ATP9B: variants seen among roughly 807,000 people sequenced by gnomAD.
ATP9B encodes probable phospholipid-transporting ATPase IIB.
A neutral mutation model predicts 146.1 loss-of-function variants in ATP9B; 110 were observed. That is an observed-to-expected ratio of 0.75 (90% confidence interval 0.65 to 0.88). ATP9B has a LOEUF of 0.88. ATP9B is among the 40% of genes least tolerant of loss of function. ATP9B has a pLI of 0.00. For synonymous variants in ATP9B, 604 were observed against 569.7 expected (o/e 1.06, Z -0.86); for missense variants, 1,499 against 1,496.4 (o/e 1.00, Z -0.03).
chr18:79,329,944 G>A (rs1311746306), intron 16 of ATP9B, 68 bp from the exon 17 acceptor site: 7 of 1,369,288 alleles, frequency 5.1e-6, no homozygotes, highest in Non-Finnish European at 2.1e-6. Flanking sequence ...TGTTTTATTA[G>A]ACTAGCAGTT....
At chr18:79,197,769 G>T (rs552037538) in intron 9 of ATP9B, among the ~76,000 whole-genome samples, 1 of 152,286 alleles carries the variant, frequency 6.6e-6, no homozygotes, top group East Asian at 1.9e-4. Context: ...GAGCAGCAAA[G>T]AGCAAGATGG....
chr18:79,191,359 G>A, intron 8 of ATP9B, among the ~76,000 whole-genome samples: 1 of 151,922 alleles, frequency 6.6e-6, no homozygotes, highest in African/African-American at 2.4e-5. Flanking sequence ...TACATTTCTG[G>A]CTGACAGTAA....
At chr18:79,150,330 A>G (rs555164690) in intron 6 of ATP9B, among the ~76,000 whole-genome samples, 2 of 152,280 alleles carry the variant, frequency 1.3e-5, no homozygotes, top group Admixed American at 1.3e-4. Flanking sequence ...AAAAACTGTA[A>G]CTATCATACT....
At chr18:79,376,246 C>T (rs1013385060) in intron 29 of ATP9B, 5 of 972,004 alleles carry the variant, frequency 5.1e-6, no homozygotes, top group Non-Finnish European at 6.1e-6. Flanking sequence ...TAGCCTAGAT[C>T]GTCCAAACAA....
At chr18:79,349,328 C>G (rs1377991458) in intron 25 of ATP9B, among the ~76,000 whole-genome samples, 1 of 152,170 alleles carries the variant, frequency 6.6e-6, no homozygotes, top group African/African-American at 2.4e-5. Flanking sequence ...CTTCGATGCT[C>G]TTGGCGTTGA....
intron 14 of ATP9B, among the ~76,000 whole-genome samples, chr18:79,305,161 A>C (rs2096613801): frequency 6.6e-6 from 1 of 152,192 alleles, no homozygotes; most frequent in Non-Finnish European, 1.5e-5. Flanking sequence ...GACTTTTTGT[A>C]TTTACAGTAA....
rs1304879263 is a variant in ATP9B at position 79,118,384 on chromosome 18, G to GTTTTTTTTT, written c.558+5035_558+5036insTTTTTTTTT. Among the ~76,000 whole-genome samples the GTTTTTTTTT allele has an allele frequency of 1.1e-3, 79 of 73,476 alleles. 16 individuals carry two copies. The highest frequency in any genetic ancestry group is 3.2e-3 in the African/African-American group (60 of 18,674). 48.2% of individuals were successfully genotyped at this position (73,476 alleles called of 152,430 possible). A position where few individuals can be genotyped will look rare whatever the true frequency, so the allele number is the denominator to read the frequency against. ...ATTTTAAAACACAATCATATTGAAC[G>GTTTTTTTTT]TTTTTGTTTTTTTTTTTTTTTTTTT... On this transcript the variant is annotated intron_variant, in intron 4 of 29. Transcript: ENST00000426216.
chr18:79,264,106 A>G (rs995481294), intron 12 of ATP9B, among the ~76,000 whole-genome samples: 3 of 152,186 alleles, frequency 2.0e-5, no homozygotes, highest in African/African-American at 7.2e-5. Context: ...AAGGAAAAAA[A>G]AACATATCTA....
chr18:79,187,159 T>G (rs2095315215), intron 8 of ATP9B, among the ~76,000 whole-genome samples: 1 of 152,240 alleles, frequency 6.6e-6, no homozygotes, highest in Non-Finnish European at 1.5e-5. Context: ...TTTCACTGAT[T>G]TGGGAAGCAT....
chr18:79,130,663 A>C (rs1469668628), intron 5 of ATP9B, among the ~76,000 whole-genome samples: 1 of 152,184 alleles, frequency 6.6e-6, no homozygotes, highest in African/African-American at 2.4e-5. Flanking sequence ...ATAACCAAGC[A>C]GCTGACACCC....
At chr18:79,263,930 A>G (rs9949629) in intron 12 of ATP9B, among the ~76,000 whole-genome samples, 66,320 of 151,864 alleles carry the variant, frequency 0.44, 14,810 homozygotes, top group East Asian at 0.7. Flanking sequence ...TAAAAAATAC[A>G]AAAAATTAGC....
intron 13 of ATP9B, among the ~76,000 whole-genome samples, chr18:79,282,459 A>C (rs1426371589): frequency 1.3e-5 from 2 of 152,186 alleles, no homozygotes; most frequent in Non-Finnish European, 2.9e-5. Flanking sequence ...CACCACCCTG[A>C]TCAGTCAGCA....
intron 6 of ATP9B, chr18:79,146,755 C>G (rs1221296180): frequency 1.9e-5 from 3 of 158,696 alleles, no homozygotes; most frequent in Non-Finnish European, 4.2e-5. Context: ...CCTAAGTGCT[C>G]TCATCTGCCT....
chr18:79,359,437 C>T lies in ATP9B; in HGVS notation c.2987C>T (p.Pro996Leu), dbSNP rs1304072135. The T allele has an allele frequency of 5.6e-6, 9 of 1,613,764 alleles. No homozygotes were observed. The highest frequency in any genetic ancestry group is 1.1e-5 in the South Asian group (1 of 91,080). Residue 996 changes from proline to leucine, a missense_variant, in exon 26 of 30, where the codon CCG becomes CTG. Coordinates refer to ENST00000426216, the MANE Select transcript of ATP9B (RefSeq NM_198531.5). ...AAGCCAGAGATGGCGATGCTCTACCCGGAGCTGTACAAGGACCTCACCAAG... is the reference window on the plus strand; with the variant it reads ...AAGCCAGAGATGGCGATGCTCTACCTGGAGCTGTACAAGGACCTCACCAAG... ...DVKPEMAMLYPELYKDLTKGR... is the reference protein window; with the variant it reads ...DVKPEMAMLYLELYKDLTKGR...
intron 9 of ATP9B, among the ~76,000 whole-genome samples, chr18:79,203,223 C>T (rs779275149): frequency 3.9e-4 from 58 of 147,350 alleles, no homozygotes; most frequent in Non-Finnish European, 6.7e-4. Flanking sequence ...GGCAGTAGGA[C>T]GTGGAGGAGC....
At chr18:79,323,873 C>T (rs1435607322) in intron 15 of ATP9B, among the ~76,000 whole-genome samples, 2 of 152,154 alleles carry the variant, frequency 1.3e-5, no homozygotes, top group East Asian at 3.9e-4. Flanking sequence ...TTGGGGGTAA[C>T]CTCCATGCTG....
intron 13 of ATP9B, among the ~76,000 whole-genome samples, chr18:79,289,282 AGTCTCAT>A (rs2096477199): frequency 6.6e-6 from 1 of 152,106 alleles, no homozygotes; most frequent in Admixed American, 6.5e-5. Flanking sequence ...CTTTTCACAC[AGTCTCAT>A]GTTTCTTGGA....
chr18:79,174,901 G>A (rs565372484), intron 7 of ATP9B, among the ~76,000 whole-genome samples: 1 of 152,164 alleles, frequency 6.6e-6, no homozygotes, highest in African/African-American at 2.4e-5. Flanking sequence ...GATCTTCCCA[G>A]TGTAAAGTTC....
At chr18:79,308,378 G>T (rs2096630859) in intron 15 of ATP9B, among the ~76,000 whole-genome samples, 1 of 152,228 alleles carries the variant, frequency 6.6e-6, no homozygotes, top group South Asian at 2.1e-4. Flanking sequence ...GAGCCGGGAA[G>T]TGGAGGCAGT....
Sources: allele counts gnomAD v4.1 joint callset (sites outside exome capture counted in the v4.1 genomes callset), GRCh38; gene constraint gnomAD v4.1.1; transcripts MANE v1.5; gene names NCBI Gene and HGNC (gene_info 2026-07-23, HGNC 2026-07-21).